FAM174B: variants seen among roughly 807,000 people sequenced by gnomAD.
The protein encoded by FAM174B is family with sequence similarity 174 member B, also known as membrane protein FAM174B.
A neutral mutation model predicts 10.9 loss-of-function variants in FAM174B; 12 were observed. The observed-to-expected ratio is 1.10, with a 90% confidence interval of 0.71 to 1.79. The LOEUF is 1.79. FAM174B is among the 40% of genes most tolerant of loss of function. The pLI is 0.00. For synonymous variants in FAM174B, 132 were observed against 115.8 expected (o/e 1.14, Z -0.90); for missense variants, 266 against 233.3 (o/e 1.14, Z -0.91).
In FAM174B at chr15:92,631,420, A is replaced by ATATATTATATATTATATTATATT. The variant is rs869166641; in HGVS notation, c.345-1076_345-1075insAATATAATATAATATATAATATA. 3.7e-4 allele frequency among the ~76,000 whole-genome samples: 17 copies of ATATATTATATATTATATTATATT among 45,342 alleles called. 3 individuals carry two copies. Among genetic ancestry groups the ATATATTATATATTATATTATATT allele is most frequent in the African/African-American group, 2.0e-3 (17 of 8,464 alleles). 29.7% of individuals were successfully genotyped at this position (45,342 alleles called of 152,430 possible). A position where few individuals can be genotyped will look rare whatever the true frequency, so the allele number is the denominator to read the frequency against. ...TTATATTATATTATATATAATATAT[A>ATATATTATATATTATATTATATT]ATATATAATATAATATATTATATAT... is the stretch of plus-strand genomic sequence containing the variant. On this transcript the variant is annotated intron_variant, in intron 1 of 2. Transcript: ENST00000327355.
At position 92,620,025 on chromosome 15, in the gene FAM174B, C is replaced by T. The variant is rs143684415; in HGVS notation, c.477-566G>A. On this transcript the variant is annotated intron_variant, in intron 2 of 2. Coordinates refer to ENST00000327355, the MANE Select transcript of FAM174B (RefSeq NM_207446.3). ...TAAAATGTGAAAATCATTCTTGGCT[C>T]CTGAGCTGTACAAAAACAGACAGTG... The T allele has an allele frequency of 3.1e-3, 486 of 157,812 alleles. 3 individuals are homozygous for T. The highest frequency in any genetic ancestry group is 4.4e-3 in the Non-Finnish European group (316 of 71,144). The allele number at this position is 157,812 out of a possible 1,614,324, so 9.8% of individuals were successfully genotyped here.
intron 1 of FAM174B, among the ~76,000 whole-genome samples, chr15:92,641,874 A>T (rs2050894227): frequency 6.6e-6 from 1 of 152,236 alleles, no homozygotes; most frequent in African/African-American, 2.4e-5. Context: ...AAGTGAAAAG[A>T]CACCCCCATA....
rs543580302 is a variant in FAM174B, at chr15:92,655,766, C to T, written c.-107G>A. 2.0e-5 allele frequency: 20 copies of T among 1,022,456 alleles called. No individual in the cohort carries two copies. Among genetic ancestry groups the T allele is most frequent in the South Asian group, 1.5e-4 (3 of 20,456 alleles). 63.3% of individuals were successfully genotyped at this position (1,022,456 alleles called of 1,614,324 possible). On this transcript the variant is annotated 5_prime_UTR_variant, in exon 1 of 3. Transcript: ENST00000327355. ...GGGGATCCTGCGGCGGAGGCGGCTG[C>T]GCGGTGCTTGGCAGGAAGCTGCGGC...
intron 1 of FAM174B, among the ~76,000 whole-genome samples, chr15:92,643,565 A>C (rs2050906144): frequency 6.6e-6 from 1 of 152,212 alleles, no homozygotes; most frequent in Non-Finnish European, 1.5e-5. Flanking sequence ...TTTAAAACCA[A>C]GTATATAAAT....
chr15:92,641,988 A>G (rs1303103285), intron 1 of FAM174B, among the ~76,000 whole-genome samples: 1 of 152,362 alleles, frequency 6.6e-6, no homozygotes, highest in Middle Eastern at 3.4e-3. Flanking sequence ...AAATAACCCA[A>G]TGTAAAATGG....
At chr15:92,640,316 C>T (rs1596300720) in intron 1 of FAM174B, among the ~76,000 whole-genome samples, 1 of 152,134 alleles carries the variant, frequency 6.6e-6, no homozygotes, top group African/African-American at 2.4e-5. Flanking sequence ...CTTTGGGAGG[C>T]TGAGGTGGGC....
intron 1 of FAM174B, chr15:92,652,995 C>T (rs1322042762): frequency 6.6e-6 from 1 of 152,374 alleles, no homozygotes; most frequent in Non-Finnish European, 1.5e-5. Context: ...TGACTTATTC[C>T]ACTTCCTGGG....
chr15:92,637,200 A>C (rs1285631873), intron 1 of FAM174B, among the ~76,000 whole-genome samples: 1 of 152,114 alleles, frequency 6.6e-6, no homozygotes, highest in Non-Finnish European at 1.5e-5. Context: ...GGCACGACCA[A>C]CCCGAGCCAA....
rs997568993 is a variant in FAM174B, at chr15:92,634,896, C to G, written c.345-4551G>C. On this transcript the variant is annotated intron_variant, in intron 1 of 2. Transcript: ENST00000327355. Reference sequence around the variant, plus strand: ...CAAGGAGTGGGAGAACTCCTCCTGTCTAACTGCCTTCCAACTGGGACATCA... The same window carrying G: ...CAAGGAGTGGGAGAACTCCTCCTGTGTAACTGCCTTCCAACTGGGACATCA... Among the ~76,000 whole-genome samples, 69 of 152,248 alleles carry G rather than the reference C, an allele frequency of 4.5e-4. 1 individual carries two copies. The highest frequency in any genetic ancestry group is 1.7e-3 in the African/African-American group (69 of 41,562).
intron 2 of FAM174B, among the ~76,000 whole-genome samples, chr15:92,620,437 G>A (rs768456201): frequency 2.6e-5 from 4 of 152,196 alleles, no homozygotes; most frequent in South Asian, 2.1e-4. Context: ...GGCAGAGCTC[G>A]CAGTGAGCAG....
intron 2 of FAM174B, among the ~76,000 whole-genome samples, chr15:92,625,324 A>C (rs1432483525): frequency 1.3e-5 from 2 of 152,204 alleles, no homozygotes; most frequent in South Asian, 2.1e-4. Flanking sequence ...GGGAAATAAG[A>C]AGCAGGTTAC....
chr15:92,634,871 C>T (rs1001464979), intron 1 of FAM174B, among the ~76,000 whole-genome samples: 1 of 152,216 alleles, frequency 6.6e-6, no homozygotes, highest in Non-Finnish European at 1.5e-5. Context: ...AGCTTTCCCT[C>T]AAGGAGTGGG....
chr15:92,633,478 G>A (rs948888794), intron 1 of FAM174B, among the ~76,000 whole-genome samples: 1 of 152,098 alleles, frequency 6.6e-6, no homozygotes, highest in Non-Finnish European at 1.5e-5. Flanking sequence ...GGAAGAGGGG[G>A]AACAATCAGC....
rs375313390 is a variant in FAM174B at position 92,630,833 on chromosome 15, TTA to T, written c.345-490_345-489del. On this transcript the variant is annotated intron_variant, in intron 1 of 2. Transcript: ENST00000327355. Reference sequence around the variant, plus strand: ...TATTTTATATATTACATATTATATATTATATATATTACATATTACATGTTACA... The same window carrying T: ...TATTTTATATATTACATATTATATATTATATATTACATATTACATGTTACA... Among the ~76,000 whole-genome samples, 122 of 39,590 alleles carry T rather than the reference TTA, an allele frequency of 3.1e-3. 8 individuals carry two copies. Among genetic ancestry groups the T allele is most frequent in the African/African-American group, 6.2e-3 (106 of 17,174 alleles). 26.0% of individuals were successfully genotyped at this position (39,590 alleles called of 152,430 possible).
chr15:92,633,795 A>T (rs184048), intron 1 of FAM174B, among the ~76,000 whole-genome samples: 32,129 of 152,092 alleles, frequency 0.21, 3,625 homozygotes, highest in Middle Eastern at 0.28. Flanking sequence ...CCCAAGAGAT[A>T]CTTCTCTCCA....
chr15:92,622,048 G>T (rs1034611103), intron 2 of FAM174B, among the ~76,000 whole-genome samples: 2 of 152,200 alleles, frequency 1.3e-5, no homozygotes, highest in African/African-American at 4.8e-5. Flanking sequence ...ATCTGGCCAC[G>T]GCAGGCCTGC....
At chr15:92,632,498 C>G (rs1157851793) in intron 1 of FAM174B, among the ~76,000 whole-genome samples, 1 of 152,182 alleles carries the variant, frequency 6.6e-6, no homozygotes, top group African/African-American at 2.4e-5. Context: ...GCCTGGGTGA[C>G]AGAGTGAGAC....
At position 92,619,438 on chromosome 15, in the gene FAM174B, C is replaced by T; in HGVS notation, c.*18G>A. On this transcript the variant is annotated 3_prime_UTR_variant, in exon 3 of 3. Transcript: ENST00000327355. Reference sequence around the variant, plus strand: ...TGACCAACTTTCCACAGGATGCCACCAGGCTGGGAAACAGGTTTTACCTAA... The same window carrying T: ...TGACCAACTTTCCACAGGATGCCACTAGGCTGGGAAACAGGTTTTACCTAA... 6.2e-7 allele frequency: 1 copy of T among 1,613,930 alleles called. No individual in the cohort carries two copies. The highest frequency in any genetic ancestry group is 8.5e-7 in the Non-Finnish European group (1 of 1,179,870).
chr15:92,620,363 T>C (rs2050711208), intron 2 of FAM174B, among the ~76,000 whole-genome samples: 1 of 151,890 alleles, frequency 6.6e-6, no homozygotes, highest in Non-Finnish European at 1.5e-5. Flanking sequence ...CCGGGAGTGG[T>C]GGTGGGTGCC....
Sources: allele counts gnomAD v4.1 joint callset (sites outside exome capture counted in the v4.1 genomes callset), GRCh38; gene constraint gnomAD v4.1.1; transcripts MANE v1.5; gene names NCBI Gene and HGNC (gene_info 2026-07-23, HGNC 2026-07-21).